TSGA10: variants seen among roughly 807,000 people sequenced by gnomAD.
TSGA10 encodes the protein testis specific 10, also known as testis-specific gene 10 protein.
A neutral mutation model predicts 96.6 loss-of-function variants in TSGA10; 43 were observed. The observed-to-expected ratio is 0.44, with a 90% CI of 0.35 to 0.57. TSGA10 has a LOEUF of 0.57. Ranked by LOEUF, TSGA10 falls within the 20% of genes least tolerant of loss-of-function variation. The pLI is 0.01. For missense variants in TSGA10, 703 were observed against 834.4 expected (o/e 0.84, Z 1.94); for synonymous variants, 229 against 269.9 (o/e 0.85, Z 1.48).
intron 14 of TSGA10, 112 bp downstream of exon 14, chr2:99,071,594 A>G: frequency 1.0e-6 from 1 of 970,578 alleles, no homozygotes; most frequent in South Asian, 2.0e-5. Context: ...TAAAAAAAAG[A>G]AAAGGCTAGT....
At chr2:99,004,031 C>T (rs2078234148) in intron 20 of TSGA10, among the ~76,000 whole-genome samples, 1 of 151,982 alleles carries the variant, frequency 6.6e-6, no homozygotes, top group Admixed American at 6.6e-5. Flanking sequence ...AAAAGATCAA[C>T]AAAATTGACA....
At position 99,025,158 on chromosome 2, in the gene TSGA10, TAAG is replaced by T. The variant is rs2080448814; in HGVS notation, c.1615-4679_1615-4677del. On this transcript the variant is annotated intron_variant, in intron 17 of 20. Coordinates refer to ENST00000393483, the MANE Select transcript of TSGA10 (RefSeq NM_025244.4). ...GCAATAATGGCTTCATAGAATGCAT[TAAG>T]AAGTGTTGTCTTCTACTTTTGGAAG... Among the ~76,000 whole-genome samples, 18 of 152,338 alleles carry T rather than the reference TAAG, an allele frequency of 1.2e-4. No individual in the cohort carries two copies. The South Asian group carries it at 3.7e-3, about 32-fold the overall frequency.
chr2:99,112,921 T>A (rs995590768), intron 4 of TSGA10, among the ~76,000 whole-genome samples: 29 of 148,250 alleles, frequency 2.0e-4, no homozygotes, highest in African/African-American at 7.2e-4. Context: ...CACAGCGGGC[T>A]CTGAAATACT....
intron 16 of TSGA10, among the ~76,000 whole-genome samples, chr2:99,056,024 A>G (rs2083944357): frequency 6.6e-6 from 1 of 152,058 alleles, no homozygotes; most frequent in South Asian, 2.1e-4. Context: ...TAATACGGTG[A>G]AACCCCGTCT....
At chr2:99,144,979 C>T (rs1184561740) in intron 1 of TSGA10, among the ~76,000 whole-genome samples, 1 of 152,156 alleles carries the variant, frequency 6.6e-6, no homozygotes, top group African/African-American at 2.4e-5. Context: ...AACAATTTAC[C>T]ACACACTTGG....
rs553634872 is a variant in TSGA10 at position 99,018,537 on chromosome 2, T to G, written c.1921A>C (p.Arg641=). The change falls in exon 19 of 21, where the codon AGG becomes CGG. Residue 641 remains arginine (R), a splice_region_variant and synonymous_variant. Transcript: ENST00000393483. ...GAGCTTGCATAGAGATAAACTTACC[T>G]TTCAAAGCGCTCTGTTCCTAGTTGT... The part of the protein sequence containing the change: ...KRQLGTERFE[R]ERAVQELRRQ... The G allele has an allele frequency of 6.3e-5, 102 of 1,612,640 alleles. No homozygotes were observed. The South Asian group carries it at 1.0e-3, about 16-fold the overall frequency.
At chr2:99,048,256 T>C (rs1447572624) in intron 16 of TSGA10, among the ~76,000 whole-genome samples, 1 of 152,002 alleles carries the variant, frequency 6.6e-6, no homozygotes, top group African/African-American at 2.4e-5. Context: ...AAAGAGCCCA[T>C]ACAGCCAAGA....
At chr2:99,137,467 C>G (rs2093372013) in intron 1 of TSGA10, among the ~76,000 whole-genome samples, 1 of 152,178 alleles carries the variant, frequency 6.6e-6, no homozygotes, top group African/African-American at 2.4e-5. Flanking sequence ...AGGGCCAAAT[C>G]ATGTAAGGCC....
At chr2:99,133,605 T>C (rs2093200545) in intron 1 of TSGA10, among the ~76,000 whole-genome samples, 1 of 152,240 alleles carries the variant, frequency 6.6e-6, no homozygotes, top group Admixed American at 6.5e-5. Flanking sequence ...AATATTGTTA[T>C]GTTTGAATTT....
chr2:99,055,860 C>CAAAAAAAAAA (rs59969222), intron 16 of TSGA10, among the ~76,000 whole-genome samples: 1 of 90,814 alleles, frequency 1.1e-5, no homozygotes, highest in African/African-American at 3.9e-5. Flanking sequence ...ATCCAATTAA[C>CAAAAAAAAAA]AAAAAAAAAA....
intron 16 of TSGA10, among the ~76,000 whole-genome samples, chr2:99,042,747 A>T (rs1393161653): frequency 6.6e-6 from 1 of 150,416 alleles, no homozygotes; most frequent in Non-Finnish European, 1.5e-5. Flanking sequence ...GTTGTGGCCC[A>T]GGCTGGAGTG....
intron 16 of TSGA10, among the ~76,000 whole-genome samples, chr2:99,049,893 G>T (rs1393736983): frequency 6.6e-6 from 1 of 151,798 alleles, no homozygotes; most frequent in East Asian, 1.9e-4. Context: ...AAAAAGCAAA[G>T]AACAACAATA....
intron 5 of TSGA10, 106 bp from the exon 6 acceptor site, chr2:99,109,618 G>A: frequency 1.1e-6 from 1 of 950,224 alleles, no homozygotes. Flanking sequence ...CATTTTCTAA[G>A]TGAAATTGAA....
intron 1 of TSGA10, chr2:99,141,102 C>T (rs961767343): frequency 2.1e-5 from 27 of 1,284,700 alleles, no homozygotes; most frequent in Non-Finnish European, 2.6e-5. Flanking sequence ...CGGGTCCCTC[C>T]CCGGGCTCCT....
At chr2:99,079,271 T>C (rs1026091581) in intron 11 of TSGA10, among the ~76,000 whole-genome samples, 1 of 152,156 alleles carries the variant, frequency 6.6e-6, no homozygotes, top group Non-Finnish European at 1.5e-5. Context: ...TAAAGTAAAA[T>C]GTCTTCTAAT....
intron 15 of TSGA10, among the ~76,000 whole-genome samples, chr2:99,068,409 TA>T (rs2085516241): frequency 6.6e-6 from 1 of 152,126 alleles, no homozygotes; most frequent in Non-Finnish European, 1.5e-5. Flanking sequence ...GCACCACACT[TA>T]TTGGAGTCAT....
At chr2:99,026,576 C>T (rs746961949) in intron 17 of TSGA10, among the ~76,000 whole-genome samples, 3 of 152,050 alleles carry the variant, frequency 2.0e-5, no homozygotes, top group Admixed American at 6.6e-5. Flanking sequence ...CCTGCCACCA[C>T]GCCTGGCTAA....
intron 16 of TSGA10, among the ~76,000 whole-genome samples, chr2:99,044,351 CA>C (rs57316203): frequency 0.03 from 3,003 of 98,490 alleles, 87 homozygotes; most frequent in African/African-American, 0.082. Flanking sequence ...AAATGGAAAG[CA>C]AAAAAAAAAA....
chr2:99,042,055 T>G (rs1296497087), intron 16 of TSGA10, among the ~76,000 whole-genome samples: 1 of 151,540 alleles, frequency 6.6e-6, no homozygotes, highest in African/African-American at 2.4e-5. Context: ...TTTTTTTTTT[T>G]TTTTTGAGAC....
Sources: allele counts gnomAD v4.1 joint callset (sites outside exome capture counted in the v4.1 genomes callset), GRCh38; gene constraint gnomAD v4.1.1; transcripts MANE v1.5; gene names NCBI Gene and HGNC (gene_info 2026-07-23, HGNC 2026-07-21).